The following CNTN1 variants were observed in gnomAD, a reference collection of about 807,000 sequenced individuals.
CNTN1 encodes contactin-1.
CNTN1 carries 38 observed loss-of-function variants against 126.4 expected under a neutral mutation model. The ratio of observed to expected loss-of-function variants is 0.30; its 90% CI spans 0.23 to 0.39. CNTN1 has a LOEUF of 0.39. Ranked by LOEUF, CNTN1 falls within the 10% of genes least tolerant of loss-of-function variation. The pLI is 1.00. For missense variants in CNTN1, 1,009 were observed against 1,248.4 expected (o/e 0.81, Z 2.89); for synonymous variants, 413 against 422.6 (o/e 0.98, Z 0.28).
intron 1 of CNTN1, among the ~76,000 whole-genome samples, chr12:40,693,240 A>G (rs1399800567): frequency 6.6e-6 from 1 of 152,208 alleles, no homozygotes; most frequent in African/African-American, 2.4e-5. Context: ...GATCTGCGGC[A>G]GGTGGGAGGG....
chr12:41,000,665 G>A (rs892124604), intron 17 of CNTN1, among the ~76,000 whole-genome samples: 6 of 151,866 alleles, frequency 4.0e-5, no homozygotes, highest in Admixed American at 3.3e-4. Flanking sequence ...AGGTACATGT[G>A]CAGGTTTATT....
At chr12:40,967,565 C>A (rs1434864616) in intron 15 of CNTN1, among the ~76,000 whole-genome samples, 1 of 152,124 alleles carries the variant, frequency 6.6e-6, no homozygotes, top group African/African-American at 2.4e-5. Context: ...GAAAGCTTTA[C>A]AGAACTTAGC....
chr12:40,780,300 A>C (rs1445821317), intron 1 of CNTN1, among the ~76,000 whole-genome samples: 5 of 151,920 alleles, frequency 3.3e-5, no homozygotes, highest in African/African-American at 1.2e-4. Flanking sequence ...CTTGTCACAT[A>C]CATATCCCAA....
chr12:40,716,642 G>A lies in CNTN1; in HGVS notation c.-77+24050G>A, dbSNP rs562271042. ...TCATTGGCTTAGCCTTCAATGAAAA[G>A]GGCATTGGAAGATACATAGATAGTT... On this transcript the variant is annotated intron_variant, in intron 1 of 23. Transcript: ENST00000551295. Among the ~76,000 whole-genome samples, 18 of 152,282 alleles carry A rather than the reference G, an allele frequency of 1.2e-4. No homozygotes were observed. The South Asian group carries it at 3.1e-3, about 26-fold the overall frequency.
At chr12:40,956,897 G>A (rs1044430981) in intron 14 of CNTN1, among the ~76,000 whole-genome samples, 3 of 152,054 alleles carry the variant, frequency 2.0e-5, no homozygotes, top group Non-Finnish European at 2.9e-5. Flanking sequence ...CAAATAAGAT[G>A]TAGGGGTTCA....
At chr12:40,829,499 AT>A (rs1484055503) in intron 1 of CNTN1, among the ~76,000 whole-genome samples, 1 of 151,976 alleles carries the variant, frequency 6.6e-6, no homozygotes, top group Non-Finnish European at 1.5e-5. Context: ...GTATCACTTT[AT>A]TTTTTTTAAA....
At chr12:40,754,922 G>C (rs1416540105) in intron 1 of CNTN1, among the ~76,000 whole-genome samples, 1 of 151,698 alleles carries the variant, frequency 6.6e-6, no homozygotes, top group Non-Finnish European at 1.5e-5. Context: ...AAATTTCTTG[G>C]TTGAGGCTGG....
intron 23 of CNTN1, among the ~76,000 whole-genome samples, chr12:41,054,877 C>A (rs993811566): frequency 6.6e-6 from 1 of 152,110 alleles, no homozygotes; most frequent in Non-Finnish European, 1.5e-5. Flanking sequence ...CACAGCTCTG[C>A]TGCATGGTCA....
At chr12:40,710,995 T>C (rs1941899431) in intron 1 of CNTN1, among the ~76,000 whole-genome samples, 1 of 152,160 alleles carries the variant, frequency 6.6e-6, no homozygotes, top group South Asian at 2.1e-4. Flanking sequence ...CTAATACTTA[T>C]ATTGCTAAAA....
chr12:40,847,623 A>G (rs1317787485), intron 1 of CNTN1, among the ~76,000 whole-genome samples: 5 of 152,232 alleles, frequency 3.3e-5, no homozygotes, highest in Admixed American at 2.0e-4. Context: ...TAATTTTATT[A>G]GTTTCATGGA....
rs569741008 is a variant in CNTN1 at position 40,730,974 on chromosome 12, C to T, written c.-77+38382C>T. ...GACTATCAAAAAAGATATTATGCAA[C>T]GGGCATAGTAAAGCCTGAAAATAAG... On this transcript the variant is annotated intron_variant, in intron 1 of 23. Coordinates refer to ENST00000551295, the MANE Select transcript of CNTN1 (RefSeq NM_001843.4). 1.3e-4 allele frequency among the ~76,000 whole-genome samples: 20 copies of T among 151,738 alleles called. No homozygotes were observed. In the East Asian group the frequency reaches 1.4e-3, roughly 10 times the overall value.
At chr12:40,924,708 C>G in intron 6 of CNTN1, 56 bp downstream of exon 6, 1 of 930,994 alleles carries the variant, frequency 1.1e-6, no homozygotes, top group Admixed American at 1.7e-5. Flanking sequence ...GGACAAGTTT[C>G]CATTTTCTTA....
chr12:40,785,623 G>A (rs1029430093), intron 1 of CNTN1, among the ~76,000 whole-genome samples: 12 of 152,102 alleles, frequency 7.9e-5, no homozygotes, highest in Admixed American at 6.6e-5. Flanking sequence ...TCTCAAGGGT[G>A]GGGAGAATTA....
Position 41,029,090 on chromosome 12 carries a change from G to A in CNTN1, c.2851G>A (p.Asp951Asn). Reference protein sequence around the residue: ...KVLYRPDGQHDGKLYSTHKHS... With the variant: ...KVLYRPDGQHNGKLYSTHKHS... The stretch of plus-strand genomic sequence containing the variant: ...ACTCTACAGACCTGATGGCCAGCAT[G>A]ATGGCAAGCTGTATTCAACTCACAA... The change falls in exon 23 of 24, where the codon GAT becomes AAT. Residue 951 changes from aspartate (D) to asparagine (N), a missense_variant. Asp to Asn is a conservative substitution (Grantham distance 23). Transcript: ENST00000551295. 1 of 1,614,032 alleles carries A rather than the reference G, an allele frequency of 6.2e-7. No homozygotes were observed. Among genetic ancestry groups the A allele is most frequent in the African/African-American group, 1.3e-5 (1 of 75,000 alleles).
At chr12:40,972,491 G>A in intron 15 of CNTN1, 2 of 963,190 alleles carry the variant, frequency 2.1e-6, no homozygotes, top group Non-Finnish European at 2.5e-6. Context: ...TCTCTCTGTG[G>A]TCAGAAGAAC....
At chr12:40,823,687 T>G (rs73118715) in intron 1 of CNTN1, among the ~76,000 whole-genome samples, 3,422 of 152,230 alleles carry the variant, frequency 0.022, 126 homozygotes, top group African/African-American at 0.078. Flanking sequence ...TCTTTTCACT[T>G]TACACTTTCA....
intron 1 of CNTN1, among the ~76,000 whole-genome samples, chr12:40,871,028 C>T (rs1184588541): frequency 7.1e-6 from 1 of 140,932 alleles, no homozygotes; most frequent in Non-Finnish European, 1.5e-5. Flanking sequence ...AGGATTCTGC[C>T]AGGACAGATA....
At chr12:40,980,718 C>T (rs947933090) in intron 15 of CNTN1, among the ~76,000 whole-genome samples, 191 bp from the exon 16 acceptor site, 9 of 150,750 alleles carry the variant, frequency 6.0e-5, no homozygotes, top group African/African-American at 2.0e-4. Flanking sequence ...AAAAGAGATA[C>T]ATGAAATCAT....
chr12:40,841,511 G>A (rs1942279639), intron 1 of CNTN1, among the ~76,000 whole-genome samples: 1 of 151,720 alleles, frequency 6.6e-6, no homozygotes, highest in South Asian at 2.1e-4. Flanking sequence ...TAAGGAACAT[G>A]GACACAAAAA....
Sources: gnomAD v4.1 joint callset for allele counts (sites outside exome capture counted in the v4.1 genomes callset) on GRCh38, gnomAD v4.1.1 for gene constraint, MANE v1.5 for transcripts, NCBI Gene and HGNC (gene_info 2026-07-23, HGNC 2026-07-21) for gene names.